Variants in LAIR2 observed in about 807,000 individuals in gnomAD.
LAIR2 encodes leukocyte-associated immunoglobulin-like receptor 2.
A neutral mutation model predicts 14.8 loss-of-function variants in LAIR2; 14 were observed. The observed-to-expected ratio is 0.95, with a 90% CI of 0.62 to 1.48. The LOEUF (loss-of-function observed/expected upper bound fraction) is 1.48. Ranked by LOEUF, LAIR2 falls within the 40% of genes most tolerant of loss-of-function variation. LAIR2 has a pLI of 0.00. For missense variants in LAIR2, 172 were observed against 180.9 expected (o/e 0.95, Z 0.28); for synonymous variants, 75 against 74.5 (o/e 1.01, Z -0.03).
chr19:54,508,732 TG>T (rs2085413678), intron 3 of LAIR2, among the ~76,000 whole-genome samples: 1 of 152,280 alleles, frequency 6.6e-6, no homozygotes, highest in Admixed American at 6.5e-5. Flanking sequence ...CGAGATGTCC[TG>T]GAGTCAAAGT....
At chr19:54,503,188 G>A (rs894531659) in intron 1 of LAIR2, among the ~76,000 whole-genome samples, 8 of 152,214 alleles carry the variant, frequency 5.3e-5, no homozygotes, top group Admixed American at 2.6e-4. Context: ...GGGGCCAGGC[G>A]CGGTGCTCAC....
At chr19:54,510,279 G>C (rs1337537384) in intron 4 of LAIR2, among the ~76,000 whole-genome samples, 5 of 149,550 alleles carry the variant, frequency 3.3e-5, no homozygotes, top group Non-Finnish European at 7.4e-5. Flanking sequence ...CAGCCAGATT[G>C]CTGGGTTCAT....
At chr19:54,505,776 A>G (rs1335580829) in intron 2 of LAIR2, among the ~76,000 whole-genome samples, 1 of 151,202 alleles carries the variant, frequency 6.6e-6, no homozygotes, top group Admixed American at 6.6e-5. Context: ...CGCTTTCTCA[A>G]ACACTCCATA....
rs750845896 is a variant in LAIR2, at chr19:54,502,950, T to A, written c.32T>A (p.Leu11Gln). 21 of 1,613,414 alleles carry A rather than the reference T, an allele frequency of 1.3e-5. No homozygotes were observed. The highest frequency in any genetic ancestry group is 1.1e-5 in the Non-Finnish European group (13 of 1,179,730). ...CCACACCTCACTGCTCTCCTGGGCC[T>A]AGGTGAGTCCTGGAGGGAGCGGGAA... MSPHLTALLGLVLCLAQTIHT... is the reference protein window; with the variant it reads MSPHLTALLGQVLCLAQTIHT... Residue 11 changes from leucine to glutamine, a missense_variant and splice_region_variant, in exon 1 of 5, where the codon CTA becomes CAA. Coordinates refer to ENST00000301202, the MANE Select transcript of LAIR2 (RefSeq NM_002288.6).
chr19:54,508,080 A>G lies in LAIR2; in HGVS notation c.260A>G (p.His87Arg), dbSNP rs34423078. ...CCATCTGAGTCAGAGGCCAGATTCC[A>G]CATTGACTCAGTAAGTGAAGGAAAT... ...LGPSESEARF[H>R]IDSVSEGNAG... The change falls in exon 3 of 5, where the codon CAC becomes CGC. Residue 87 changes from histidine (H) to arginine (R), a missense_variant. His to Arg is a conservative substitution (Grantham distance 29). Coordinates refer to ENST00000301202, the MANE Select transcript of LAIR2 (RefSeq NM_002288.6). 1.2e-5 allele frequency: 20 copies of G among 1,613,792 alleles called. No homozygotes were observed. The highest frequency in any genetic ancestry group is 8.9e-5 in the East Asian group (4 of 44,896).
chr19:54,504,864 CCACA>C (rs1296663698), intron 2 of LAIR2, among the ~76,000 whole-genome samples: 2 of 152,160 alleles, frequency 1.3e-5, no homozygotes, highest in Non-Finnish European at 2.9e-5. Flanking sequence ...CCCACCTCGG[CCACA>C]CAAAGTGCTG....
In LAIR2 at chr19:54,504,938, G is replaced by A. The variant is rs538296363; in HGVS notation, c.70+1203G>A. ...ATGAACTTTTTTAGATTCCACATGC[G>A]GTATTTGTCTTTCTGTACCCAGCTT... On this transcript the variant is annotated intron_variant, in intron 2 of 4. Coordinates refer to ENST00000301202, the MANE Select transcript of LAIR2 (RefSeq NM_002288.6). Among the ~76,000 whole-genome samples, 6 of 152,194 alleles carry A rather than the reference G, an allele frequency of 3.9e-5. No homozygotes were observed. In the South Asian group the frequency reaches 6.2e-4, roughly 16 times the overall value.
intron 3 of LAIR2, 74 bp from the exon 4 acceptor site, chr19:54,508,961 G>C: frequency 2.1e-6 from 1 of 480,230 alleles, no homozygotes; most frequent in East Asian, 2.9e-5. Context: ...GCGGCCTTTG[G>C]ATGGGGGCTC....
At chr19:54,504,642 C>T (rs935776989) in intron 2 of LAIR2, among the ~76,000 whole-genome samples, 2 of 152,126 alleles carry the variant, frequency 1.3e-5, no homozygotes, top group African/African-American at 4.8e-5. Flanking sequence ...TGGAGTCTCA[C>T]TCTGTCACCC....
intron 4 of LAIR2, among the ~76,000 whole-genome samples, chr19:54,509,294 AG>A (rs1470643446): frequency 7.4e-5 from 11 of 147,958 alleles, no homozygotes; most frequent in Admixed American, 5.4e-4. Flanking sequence ...GTTCCATGCC[AG>A]GAACTGTGGA....
At chr19:54,503,629 C>T (rs1191135174) in intron 1 of LAIR2, 71 bp from the exon 2 acceptor site, 55 of 1,602,924 alleles carry the variant, frequency 3.4e-5, no homozygotes, top group Non-Finnish European at 4.6e-5. Flanking sequence ...CTCCGTCAAG[C>T]CCCCTTTTGA....
chr19:54,504,638 C>T (rs1309452255), intron 2 of LAIR2, among the ~76,000 whole-genome samples: 2 of 152,122 alleles, frequency 1.3e-5, no homozygotes, highest in Admixed American at 6.5e-5. Context: ...GGGATGGAGT[C>T]TCACTCTGTC....
intron 2 of LAIR2, among the ~76,000 whole-genome samples, chr19:54,506,479 A>T (rs1489210554): frequency 1.3e-5 from 2 of 151,198 alleles, no homozygotes; most frequent in Admixed American, 6.6e-5. Flanking sequence ...GGGAGTTTCT[A>T]CTCCTCCCTC....
At chr19:54,506,074 C>T (rs1476983437) in intron 2 of LAIR2, among the ~76,000 whole-genome samples, 1 of 152,152 alleles carries the variant, frequency 6.6e-6, no homozygotes, top group Non-Finnish European at 1.5e-5. Context: ...AGCCGCCCAC[C>T]TCGGCCTCCC....
intron 2 of LAIR2, among the ~76,000 whole-genome samples, chr19:54,507,390 A>T (rs1351820823): frequency 6.6e-6 from 1 of 151,762 alleles, no homozygotes; most frequent in Admixed American, 6.6e-5. Context: ...CCCTCACCCC[A>T]CCAGACCCTC....
At chr19:54,503,083 C>T (rs1453887953) in intron 1 of LAIR2, 131 bp downstream of exon 1, 9 of 838,540 alleles carry the variant, frequency 1.1e-5, no homozygotes, top group Middle Eastern at 2.5e-4. Context: ...GACTGCCCTA[C>T]TGCTCTCCCT....
chr19:54,507,807 C>T (rs1290774890), intron 2 of LAIR2, 84 bp from the exon 3 acceptor site: 2 of 1,369,930 alleles, frequency 1.5e-6, no homozygotes, highest in African/African-American at 1.4e-5. Flanking sequence ...TGCTAAAATC[C>T]CTGAATTGTG....
rs2085454124 is a variant in LAIR2, at chr19:54,510,681, T to C, written c.*112T>C. On this transcript the variant is annotated 3_prime_UTR_variant, in exon 5 of 5. Transcript: ENST00000301202. ...TACATATACAAATAAAAAGATACGA[T>C]TCGCAATGGAGAATTTCAGACCTAT... 2.4e-6 allele frequency: 3 copies of C among 1,267,838 alleles called. No homozygotes were observed. Among genetic ancestry groups the C allele is most frequent in the East Asian group, 2.3e-5 (1 of 42,808 alleles). The allele number at this position is 1,267,838 out of a possible 1,614,324, so 78.5% of individuals were successfully genotyped here.
chr19:54,503,280 G>C (rs912400084), intron 1 of LAIR2, among the ~76,000 whole-genome samples: 54 of 152,142 alleles, frequency 3.5e-4, no homozygotes, highest in African/African-American at 1.3e-3. Flanking sequence ...GGCCAACGTG[G>C]TGAAACTCCA....
Sources: gnomAD v4.1 joint callset for allele counts (sites outside exome capture counted in the v4.1 genomes callset) on GRCh38, gnomAD v4.1.1 for gene constraint, MANE v1.5 for transcripts, NCBI Gene and HGNC (gene_info 2026-07-23, HGNC 2026-07-21) for gene names.